The following TLE4 variants were observed in gnomAD, a reference collection of about 807,000 sequenced individuals.
TLE4 encodes transducin-like enhancer protein 4.
In TLE4, 8 loss-of-function variants were observed where a neutral mutation model predicts 92.8. That is an observed-to-expected ratio of 0.09 (90% CI 0.05 to 0.16). The LOEUF (loss-of-function observed/expected upper bound fraction) is 0.16. TLE4 is among the 10% of genes least tolerant of loss of function. The pLI, the probability that TLE4 is intolerant of heterozygous loss-of-function variation, is 1.00. For synonymous variants in TLE4, 371 were observed against 374.1 expected (o/e 0.99, Z 0.10); for missense variants, 675 against 997.6 (o/e 0.68, Z 4.36).
intron 8 of TLE4, among the ~76,000 whole-genome samples, chr9:79,664,613 A>G (rs1450140190): frequency 6.6e-6 from 1 of 152,226 alleles, no homozygotes; most frequent in Non-Finnish European, 1.5e-5. Flanking sequence ...AATAGAGCAA[A>G]TAATGACTAA....
At chr9:79,610,252 A>G (rs770348995) in intron 4 of TLE4, among the ~76,000 whole-genome samples, 1 of 152,122 alleles carries the variant, frequency 6.6e-6, no homozygotes, top group South Asian at 2.1e-4. Context: ...GACAACAGCA[A>G]TAACCTACAT....
chr9:79,703,188 CCTATAA>C (rs1204988867), intron 8 of TLE4, among the ~76,000 whole-genome samples: 1 of 152,098 alleles, frequency 6.6e-6, no homozygotes, highest in Non-Finnish European at 1.5e-5. Flanking sequence ...GATTGTTCTT[CCTATAA>C]CTTTTTTTCC....
chr9:79,629,773 C>G (rs1218232621), intron 6 of TLE4, among the ~76,000 whole-genome samples: 1 of 152,160 alleles, frequency 6.6e-6, no homozygotes, highest in Admixed American at 6.5e-5. Context: ...AAGGAAAGAG[C>G]TCAGTTACAA....
intron 4 of TLE4, among the ~76,000 whole-genome samples, chr9:79,577,798 C>A (rs2038357002): frequency 6.6e-6 from 1 of 152,110 alleles, no homozygotes; most frequent in African/African-American, 2.4e-5. Context: ...GTTTCCAGGT[C>A]TCCTTGTACC....
At chr9:79,720,324 G>A (rs769575868) in intron 16 of TLE4, 31 bp downstream of exon 16, 5 of 1,591,984 alleles carry the variant, frequency 3.1e-6, no homozygotes, top group East Asian at 2.2e-5. Context: ...ACCAGGTTGT[G>A]AGGAGGAGCC....
At chr9:79,594,520 T>G (rs78100232) in intron 4 of TLE4, among the ~76,000 whole-genome samples, 4,057 of 152,254 alleles carry the variant, frequency 0.027, 187 homozygotes, top group African/African-American at 0.091. Context: ...TGTATTTTTT[T>G]TTTTGGGAGA....
At chr9:79,692,077 C>G (rs192378414) in intron 8 of TLE4, among the ~76,000 whole-genome samples, 1 of 152,174 alleles carries the variant, frequency 6.6e-6, no homozygotes, top group Admixed American at 6.5e-5. Context: ...TGCATGCCCC[C>G]CTCCCCCATG....
chr9:79,655,690 CAT>C (rs537528733), intron 8 of TLE4, among the ~76,000 whole-genome samples: 113 of 152,318 alleles, frequency 7.4e-4, no homozygotes, highest in East Asian at 3.9e-3. Context: ...GTTTTTCACA[CAT>C]GTGTACTTAG....
chr9:79,659,912 T>C (rs1179314796), intron 8 of TLE4, among the ~76,000 whole-genome samples: 1 of 152,234 alleles, frequency 6.6e-6, no homozygotes, highest in Non-Finnish European at 1.5e-5. Context: ...GGTTAAAGAA[T>C]AGAAATAGAA....
intron 14 of TLE4, among the ~76,000 whole-genome samples, chr9:79,715,554 C>G (rs1292950466): frequency 6.6e-6 from 1 of 152,144 alleles, no homozygotes; most frequent in Non-Finnish European, 1.5e-5. Flanking sequence ...ACCCCTTCTC[C>G]AGCCTCTCCA....
intron 8 of TLE4, among the ~76,000 whole-genome samples, chr9:79,694,473 A>G (rs947223812): frequency 6.6e-6 from 1 of 152,076 alleles, no homozygotes; most frequent in African/African-American, 2.4e-5. Context: ...TGCATCTTAG[A>G]TCTTGTTGTC....
At chr9:79,583,935 C>T (rs759514196) in intron 4 of TLE4, among the ~76,000 whole-genome samples, 11 of 152,054 alleles carry the variant, frequency 7.2e-5, no homozygotes, top group Non-Finnish European at 1.0e-4. Flanking sequence ...AACAGTTTGC[C>T]AAGCAGTGTC....
chr9:79,585,769 T>C (rs1255606089), intron 4 of TLE4, among the ~76,000 whole-genome samples: 1 of 152,142 alleles, frequency 6.6e-6, no homozygotes, highest in Non-Finnish European at 1.5e-5. Flanking sequence ...ATTTATATAC[T>C]ATTAATACTT....
chr9:79,573,220 G>C, intron 1 of TLE4: 1 of 1,007,120 alleles, frequency 9.9e-7, no homozygotes, highest in African/African-American at 1.7e-5. Context: ...GTTTGGAAGT[G>C]CGGGGCGCCG....
intron 4 of TLE4, among the ~76,000 whole-genome samples, chr9:79,579,531 C>T (rs944088926): frequency 6.6e-6 from 1 of 152,158 alleles, no homozygotes; most frequent in Non-Finnish European, 1.5e-5. Flanking sequence ...TAGTATTCTA[C>T]AATGTGAAAG....
chr9:79,634,453 G>T (rs1327581058), intron 6 of TLE4, among the ~76,000 whole-genome samples: 1 of 152,092 alleles, frequency 6.6e-6, no homozygotes, highest in Non-Finnish European at 1.5e-5. Context: ...ATTTGGATTA[G>T]GAATTTAGAA....
At chr9:79,668,834 T>C (rs1280125677) in intron 8 of TLE4, 1 of 985,258 alleles carries the variant, frequency 1.0e-6, no homozygotes, top group Non-Finnish European at 1.2e-6. Flanking sequence ...GCTCAGCTGT[T>C]GTGAAGCCAG....
chr9:79,612,982 C>T (rs577107061), intron 5 of TLE4, among the ~76,000 whole-genome samples: 16 of 152,134 alleles, frequency 1.1e-4, no homozygotes, highest in African/African-American at 2.9e-4. Flanking sequence ...CTATCTTTGT[C>T]GTGTTGCTCA....
At chr9:79,653,746 A>G (rs952527118) in intron 7 of TLE4, among the ~76,000 whole-genome samples, 1 of 152,226 alleles carries the variant, frequency 6.6e-6, no homozygotes, top group African/African-American at 2.4e-5. Context: ...TTTGTCATCC[A>G]GTTATCTTAA....
Sources: gnomAD v4.1 joint callset for allele counts (sites outside exome capture counted in the v4.1 genomes callset) on GRCh38, gnomAD v4.1.1 for gene constraint, MANE v1.5 for transcripts, NCBI Gene and HGNC (gene_info 2026-07-23, HGNC 2026-07-21) for gene names.